The following MARCHF3 variants were observed in gnomAD, a reference collection of about 807,000 sequenced individuals.
MARCHF3 encodes the protein membrane associated ring-CH-type finger 3.
A neutral mutation model predicts 24.2 loss-of-function variants in MARCHF3; 13 were observed. The ratio of observed to expected loss-of-function variants is 0.54; its 90% CI spans 0.35 to 0.85. The LOEUF (loss-of-function observed/expected upper bound fraction) is 0.85, where lower values mean the gene tolerates loss of function less well. MARCHF3 is among the 40% of genes least tolerant of loss of function. MARCHF3 has a pLI of 0.01. For synonymous variants in MARCHF3, 144 were observed against 137.3 expected (o/e 1.05, Z -0.34); for missense variants, 276 against 325.0 (o/e 0.85, Z 1.16).
chr5:126,904,647 T>G (rs1344508360), intron 3 of MARCHF3, among the ~76,000 whole-genome samples: 2 of 149,716 alleles, frequency 1.3e-5, no homozygotes, highest in Non-Finnish European at 3.0e-5. Context: ...CTTCGCCCAC[T>G]TTTTGATGGG....
At chr5:126,878,664 A>G (rs1753252175) in intron 3 of MARCHF3, among the ~76,000 whole-genome samples, 1 of 152,244 alleles carries the variant, frequency 6.6e-6, no homozygotes, top group South Asian at 2.1e-4. Flanking sequence ...ACTATTCAGA[A>G]TCACAATGAT....
intron 1 of MARCHF3, among the ~76,000 whole-genome samples, chr5:126,962,470 C>T (rs1750669612): frequency 6.6e-6 from 1 of 150,506 alleles, no homozygotes; most frequent in Non-Finnish European, 1.5e-5. Context: ...ATGGGTTGAG[C>T]ATCCCAATCT....
chr5:126,985,425 T>A (rs541577335), intron 1 of MARCHF3, among the ~76,000 whole-genome samples: 1 of 151,712 alleles, frequency 6.6e-6, no homozygotes, highest in Non-Finnish European at 1.5e-5. Context: ...TGTGTTTGTG[T>A]AAATACTAGA....
At chr5:126,884,289 C>T (rs757847889) in intron 3 of MARCHF3, among the ~76,000 whole-genome samples, 73 of 152,026 alleles carry the variant, frequency 4.8e-4, no homozygotes, top group Non-Finnish European at 7.1e-4. Context: ...ACTCCACAGT[C>T]TGTCAATGAG....
In MARCHF3 at chr5:126,878,308, G is replaced by A; in HGVS notation, c.480C>T (p.Thr160=). The change falls in exon 4 of 5, where the codon ACC becomes ACT. Residue 160 remains threonine (T), a synonymous_variant. Coordinates refer to ENST00000308660, the MANE Select transcript of MARCHF3 (RefSeq NM_178450.5). ...CCCGCAGGCACAGCCAGCCCGAGATGGTGGCCAGGGGAGTTATAAACAAGA... is the reference window on the plus strand; with the variant it reads ...CCCGCAGGCACAGCCAGCCCGAGATAGTGGCCAGGGGAGTTATAAACAAGA... The part of the protein sequence containing the change: ...VCFLFITPLA[T]ISGWLCLRGA... The A allele has an allele frequency of 6.2e-7, 1 of 1,614,262 alleles. No individual in the cohort carries two copies. Among genetic ancestry groups the A allele is most frequent in the Non-Finnish European group, 8.5e-7 (1 of 1,180,048 alleles).
chr5:126,895,089 C>T (rs559775223), intron 3 of MARCHF3, among the ~76,000 whole-genome samples: 1 of 152,124 alleles, frequency 6.6e-6, no homozygotes, highest in South Asian at 2.1e-4. Context: ...CCCTTTCTTC[C>T]AGTTGATCGC....
At chr5:126,874,611 G>C (rs756350305) in intron 4 of MARCHF3, among the ~76,000 whole-genome samples, 5 of 149,962 alleles carry the variant, frequency 3.3e-5, no homozygotes, top group Non-Finnish European at 7.4e-5. Context: ...AAAAGTCACA[G>C]AAGGCTTTGG....
chr5:126,899,890 G>A (rs1754047782), intron 3 of MARCHF3, among the ~76,000 whole-genome samples: 3 of 152,044 alleles, frequency 2.0e-5, no homozygotes. Context: ...AGTGGTACAT[G>A]TGTCACTAGT....
intron 2 of MARCHF3, among the ~76,000 whole-genome samples, chr5:126,917,533 G>A (rs1748917591): frequency 6.6e-6 from 1 of 152,106 alleles, no homozygotes; most frequent in Non-Finnish European, 1.5e-5. Context: ...CCTGGACAGC[G>A]CTTCCATCAG....
intron 4 of MARCHF3, among the ~76,000 whole-genome samples, chr5:126,877,112 C>A (rs957703523): frequency 7.1e-6 from 1 of 140,938 alleles, no homozygotes; most frequent in Admixed American, 7.1e-5. Context: ...TTTGAACACT[C>A]TCACTGGAGG....
At chr5:126,970,677 G>A (rs58646561) in intron 1 of MARCHF3, among the ~76,000 whole-genome samples, 7,844 of 152,080 alleles carry the variant, frequency 0.052, 372 homozygotes, top group South Asian at 0.14. Flanking sequence ...GAATTTTATC[G>A]GTCCCAGGAT....
intron 1 of MARCHF3, among the ~76,000 whole-genome samples, chr5:127,027,776 T>G (rs1753052184): frequency 6.6e-6 from 1 of 152,260 alleles, no homozygotes; most frequent in African/African-American, 2.4e-5. Flanking sequence ...AACAATTATT[T>G]GTTAAATCAA....
At chr5:126,975,004 T>C (rs544607914) in intron 1 of MARCHF3, among the ~76,000 whole-genome samples, 1 of 152,362 alleles carries the variant, frequency 6.6e-6, no homozygotes, top group Admixed American at 6.5e-5. Flanking sequence ...GTCACCACAC[T>C]GGAGTGCAGT....
At chr5:126,932,907 A>G (rs1294648611) in intron 1 of MARCHF3, among the ~76,000 whole-genome samples, 1 of 152,060 alleles carries the variant, frequency 6.6e-6, no homozygotes, top group Non-Finnish European at 1.5e-5. Context: ...TGGGGAAGAG[A>G]TATCTTTTCT....
At chr5:126,981,046 A>T (rs1253186222) in intron 1 of MARCHF3, among the ~76,000 whole-genome samples, 1 of 152,216 alleles carries the variant, frequency 6.6e-6, no homozygotes, top group African/African-American at 2.4e-5. Flanking sequence ...GTGAGCACTG[A>T]CACACGACTT....
intron 1 of MARCHF3, among the ~76,000 whole-genome samples, chr5:127,007,462 T>G (rs1174217499): frequency 1.3e-5 from 2 of 152,084 alleles, no homozygotes; most frequent in African/African-American, 4.8e-5. Flanking sequence ...TTATTCTTCA[T>G]GTTTTTCTAA....
At chr5:127,008,773 G>A (rs1275244638) in intron 1 of MARCHF3, among the ~76,000 whole-genome samples, 1 of 152,158 alleles carries the variant, frequency 6.6e-6, no homozygotes, top group African/African-American at 2.4e-5. Flanking sequence ...TGGTAACCAA[G>A]TCATATGGCA....
At chr5:126,919,980 C>T (rs1208815367) in intron 1 of MARCHF3, among the ~76,000 whole-genome samples, 4 of 152,188 alleles carry the variant, frequency 2.6e-5, no homozygotes, top group Non-Finnish European at 5.9e-5. Flanking sequence ...GAACATTCAG[C>T]ACAGTCAGTT....
intron 3 of MARCHF3, among the ~76,000 whole-genome samples, chr5:126,882,608 C>G (rs1753380451): frequency 6.6e-6 from 1 of 152,152 alleles, no homozygotes; most frequent in Admixed American, 6.5e-5. Context: ...TCCTCATCTC[C>G]TAAGCATTAA....
Sources: gnomAD v4.1 joint callset for allele counts (sites outside exome capture counted in the v4.1 genomes callset) on GRCh38, gnomAD v4.1.1 for gene constraint, MANE v1.5 for transcripts, NCBI Gene and HGNC (gene_info 2026-07-23, HGNC 2026-07-21) for gene names.